Variants in COL4A2 observed in about 807,000 individuals in gnomAD.
The protein encoded by COL4A2 is collagen type IV alpha 2 chain, also known as collagen alpha-2(IV) chain.
Under a neutral mutation model 200.2 loss-of-function variants are expected in COL4A2, and 99 were observed. The observed-to-expected ratio is 0.49, with a 90% CI of 0.42 to 0.58. The LOEUF (loss-of-function observed/expected upper bound fraction) is 0.58. COL4A2 is among the 20% of genes least tolerant of loss of function. COL4A2 has a pLI of 0.00. For synonymous variants in COL4A2, 897 were observed against 900.6 expected, an observed-to-expected ratio of 1.00 and a Z score of 0.07; for missense variants, 1,950 against 2,314.1, an observed-to-expected ratio of 0.84 and a Z score of 3.23.
intron 3 of COL4A2, among the ~76,000 whole-genome samples, chr13:110,327,007 T>A (rs987439171): frequency 1.3e-5 from 2 of 152,186 alleles, no homozygotes; most frequent in African/African-American, 4.8e-5. Context: ...TAAGAAATAT[T>A]CAATTAGCGA....
chr13:110,309,142 TG>T (rs1884903741), intron 3 of COL4A2, among the ~76,000 whole-genome samples: 1 of 152,240 alleles, frequency 6.6e-6, no homozygotes, highest in Non-Finnish European at 1.5e-5. Context: ...TACATCGTTC[TG>T]CCCTGATGTA....
At chr13:110,325,804 G>A (rs1885392282) in intron 3 of COL4A2, among the ~76,000 whole-genome samples, 1 of 148,802 alleles carries the variant, frequency 6.7e-6, no homozygotes, top group Non-Finnish European at 1.5e-5. Flanking sequence ...TTTTTTTTTA[G>A]ACGGAGTCTC....
intron 4 of COL4A2, among the ~76,000 whole-genome samples, chr13:110,375,296 T>C (rs1878188666): frequency 6.6e-6 from 1 of 152,186 alleles, no homozygotes; most frequent in Admixed American, 6.5e-5. Context: ...GCAGCTCCAA[T>C]GTGGCGATGG....
At chr13:110,432,632 A>T (rs1291264239) in intron 11 of COL4A2, among the ~76,000 whole-genome samples, 2 of 152,238 alleles carry the variant, frequency 1.3e-5, no homozygotes, top group Non-Finnish European at 2.9e-5. Context: ...ACACTGAGGA[A>T]CATTTGATTG....
rs558296382 is a variant in COL4A2 at position 110,435,165 on chromosome 13, C to T, written c.726+723C>T. Among the ~76,000 whole-genome samples, 49 of 152,282 alleles carry T rather than the reference C, an allele frequency of 3.2e-4. No homozygotes were observed. In the South Asian group the frequency reaches 7.7e-3, roughly 24 times the overall value. On this transcript the variant is annotated intron_variant, in intron 12 of 47. Coordinates refer to ENST00000360467, the MANE Select transcript of COL4A2 (RefSeq NM_001846.4). Reference sequence around the variant, plus strand: ...CCTGCTCATGTGTGAAGAAGAAACTCTTCCTTCTTTACATTAATGCCATAG... The same window carrying T: ...CCTGCTCATGTGTGAAGAAGAAACTTTTCCTTCTTTACATTAATGCCATAG...
In COL4A2 at chr13:110,363,303, G is replaced by A. The variant is rs181051309; in HGVS notation, c.180+5751G>A. On this transcript the variant is annotated intron_variant, in intron 4 of 47. Transcript: ENST00000360467. ...AAGCTCGCTCAAGTAAGCAGTGGCT[G>A]AGTGCTTAGGGCAACAAGTTGTGTT... Among the ~76,000 whole-genome samples the A allele has an allele frequency of 2.6e-3, 392 of 152,324 alleles. 2 individuals are homozygous for A. Among genetic ancestry groups the A allele is most frequent in the Non-Finnish European group, 3.0e-3 (203 of 68,032 alleles).
At chr13:110,411,928 A>G (rs1432674112) in intron 4 of COL4A2, among the ~76,000 whole-genome samples, 1 of 152,114 alleles carries the variant, frequency 6.6e-6, no homozygotes, top group Non-Finnish European at 1.5e-5. Flanking sequence ...GACAGTACCT[A>G]CCTCGTAGAG....
chr13:110,430,200 T>C (rs1189937670), intron 8 of COL4A2: 1 of 678,712 alleles, frequency 1.5e-6, no homozygotes, highest in Admixed American at 3.8e-5. Flanking sequence ...TTGTAGTTAA[T>C]ATTAGTAAAT....
intron 45 of COL4A2, among the ~76,000 whole-genome samples, chr13:110,505,797 G>A (rs997336783): frequency 1.2e-4 from 19 of 152,178 alleles, no homozygotes; most frequent in Non-Finnish European, 2.4e-4. Context: ...GTCCAGCGGA[G>A]GGAGGCCACT....
Position 110,307,871 on chromosome 13 carries a change from C to G in COL4A2, c.-33C>G, listed in dbSNP as rs1204800816. ...TCTGTCGCCTCTAGGCTAAGTGGGA[C>G]TGACCGGGGCCCAGAGTGGACGAAC... On this transcript the variant is annotated 5_prime_UTR_variant, in exon 2 of 48. Coordinates refer to ENST00000360467, the MANE Select transcript of COL4A2 (RefSeq NM_001846.4). This position sits in a 1 kb window ranked among gnomAD's most constrained non-coding sequence, Gnocchi z 5.0. 1 of 1,605,536 alleles carries G rather than the reference C, an allele frequency of 6.2e-7. No homozygotes were observed. The highest frequency in any genetic ancestry group is 2.2e-5 in the East Asian group (1 of 44,760).
intron 4 of COL4A2, among the ~76,000 whole-genome samples, chr13:110,387,504 A>G (rs115434650): frequency 0.019 from 2,842 of 152,198 alleles, 73 homozygotes; most frequent in African/African-American, 0.065. Flanking sequence ...AGGGAAGCCA[A>G]GTGTCGGCCG....
At chr13:110,313,570 A>G (rs7400194) in intron 3 of COL4A2, among the ~76,000 whole-genome samples, 3,129 of 7,942 alleles carry the variant, frequency 0.39, 484 homozygotes, top group African/African-American at 0.57. Context: ...CTCCCACCCC[A>G]GTGCCCCGTG....
intron 22 of COL4A2, among the ~76,000 whole-genome samples, chr13:110,461,360 G>A (rs1762323180): frequency 1.3e-5 from 2 of 152,230 alleles, no homozygotes; most frequent in Admixed American, 6.5e-5. Flanking sequence ...GATCCCTGGG[G>A]CCTCTGTGGA....
At chr13:110,342,068 G>A (rs937465359) in intron 3 of COL4A2, among the ~76,000 whole-genome samples, 11 of 152,160 alleles carry the variant, frequency 7.2e-5, no homozygotes, top group African/African-American at 2.7e-4. Flanking sequence ...GATCCCAAGT[G>A]ACCCTGGCTC....
In COL4A2 at chr13:110,482,571, G is replaced by A. The variant is rs372108933; in HGVS notation, c.2814G>A (p.Gly938=). The change falls in exon 32 of 48, where the codon GGG becomes GGA. Residue 938 remains glycine, a synonymous_variant. Transcript: ENST00000360467. ...TCCAAGGCATGCCTGGACTCAAAGG[G>A]AGACCCGGGTTTCCAGGGAGCAAAG... The part of the protein sequence containing the change: ...DGFQGMPGLK[G]RPGFPGSKGE... The A allele has an allele frequency of 7.4e-6, 12 of 1,614,174 alleles. No homozygotes were observed. Among genetic ancestry groups the A allele is most frequent in the East Asian group, 6.7e-5 (3 of 44,868 alleles).
At position 110,445,699 on chromosome 13, in the gene COL4A2, G is replaced by A. The variant is rs116316567; in HGVS notation, c.958-130G>A. The A allele has an allele frequency of 1.8e-3, 2,178 of 1,215,992 alleles. 17 individuals carry two copies. The African/African-American group carries it at 0.021, about 12-fold the overall frequency. 75.3% of individuals were successfully genotyped at this position (1,215,992 alleles called of 1,614,324 possible). A position where few individuals can be genotyped will look rare whatever the true frequency, so the allele number is the denominator to read the frequency against. ...TGAGACCCAAGTCAGGGAAAATTGA[G>A]CACAGACTGGGTTAATACATGACTT... On this transcript the variant is annotated intron_variant, in intron 16 of 47. Coordinates refer to ENST00000360467, the MANE Select transcript of COL4A2 (RefSeq NM_001846.4).
At chr13:110,496,031 G>T (rs578094243) in intron 40 of COL4A2, among the ~76,000 whole-genome samples, 285 of 152,290 alleles carry the variant, frequency 1.9e-3, no homozygotes, top group Non-Finnish European at 3.4e-3. Context: ...CCCAGAGTCT[G>T]CTCCTGAGAT....
At chr13:110,340,351 G>A (rs900246810) in intron 3 of COL4A2, among the ~76,000 whole-genome samples, 1 of 152,134 alleles carries the variant, frequency 6.6e-6, no homozygotes, top group African/African-American at 2.4e-5. Flanking sequence ...TCCTGACCTC[G>A]TGAGCCACCG....
chr13:110,508,498 G>A lies in COL4A2; in HGVS notation c.4881+277G>A, dbSNP rs991695192. 1.3e-4 allele frequency among the ~76,000 whole-genome samples: 20 copies of A among 152,194 alleles called. No homozygotes were observed. Among genetic ancestry groups the A allele is most frequent in the Non-Finnish European group, 1.2e-4 (8 of 68,038 alleles). Reference sequence around the variant, plus strand: ...ACCAGGACGAACTTGCCTGTTATCCGTCTTACTAGGTACAACACCAACACC... The same window carrying A: ...ACCAGGACGAACTTGCCTGTTATCCATCTTACTAGGTACAACACCAACACC... On this transcript the variant is annotated intron_variant, in intron 47 of 47. Coordinates refer to ENST00000360467, the MANE Select transcript of COL4A2 (RefSeq NM_001846.4). The surrounding 1 kb of genome is among the most constrained non-coding windows in gnomAD (Gnocchi z 6.1).
Sources: gnomAD v4.1 joint callset for allele counts (sites outside exome capture counted in the v4.1 genomes callset) on GRCh38, gnomAD v4.1.1 for gene constraint, Gnocchi (gnomAD v3.1) non-coding constraint, MANE v1.5 for transcripts, NCBI Gene and HGNC (gene_info 2026-07-23, HGNC 2026-07-21) for gene names.